The following MGLL variants were observed in gnomAD, a reference collection of about 807,000 sequenced individuals.
MGLL encodes monoglyceride lipase, also known as lysophospholipase homolog.
A neutral mutation model predicts 29.1 loss-of-function variants in MGLL; 7 were observed. The ratio of observed to expected loss-of-function variants is 0.24; its 90% confidence interval spans 0.14 to 0.45. The LOEUF (loss-of-function observed/expected upper bound fraction) is 0.45. Among genes scored for constraint, MGLL ranks in the 20% least tolerant of loss-of-function variants. MGLL has a pLI of 0.99. For synonymous variants in MGLL, 148 were observed against 168.3 expected (o/e 0.88, Z 0.93); for missense variants, 356 against 413.6 (o/e 0.86, Z 1.21).
At chr3:127,725,941 C>T (rs146152365) in intron 3 of MGLL, among the ~76,000 whole-genome samples, 3 of 151,618 alleles carry the variant, frequency 2.0e-5, no homozygotes, top group Middle Eastern at 3.4e-3. Context: ...ACATTGGTGG[C>T]GTGGTGGTGC....
At chr3:127,715,852 C>G in intron 5 of MGLL, 1 of 454,518 alleles carries the variant, frequency 2.2e-6, no homozygotes, top group Non-Finnish European at 4.4e-6. Flanking sequence ...GAGTTGCTCA[C>G]CCAAAAAGGA....
intron 2 of MGLL, among the ~76,000 whole-genome samples, chr3:127,785,456 C>T (rs2077196704): frequency 6.6e-6 from 1 of 152,264 alleles, no homozygotes; most frequent in African/African-American, 2.4e-5. Context: ...TTCAGGGTTT[C>T]ACAAAACATT....
intron 3 of MGLL, among the ~76,000 whole-genome samples, chr3:127,726,184 GA>G (rs749672396): frequency 0.27 from 16,486 of 62,148 alleles, 1,445 homozygotes; most frequent in Middle Eastern, 0.3. Flanking sequence ...AAGAAAGAAA[GA>G]AAAGAAAAGA....
chr3:127,756,728 T>C (rs2076671710), intron 3 of MGLL, among the ~76,000 whole-genome samples: 1 of 152,262 alleles, frequency 6.6e-6, no homozygotes, highest in South Asian at 2.1e-4. Context: ...TCTTGTGTAA[T>C]TGACTGTTAC....
intron 3 of MGLL, among the ~76,000 whole-genome samples, chr3:127,743,081 C>T (rs140998804): frequency 0.021 from 3,163 of 152,332 alleles, 49 homozygotes; most frequent in Non-Finnish European, 0.034. Context: ...TCCCAAAGTG[C>T]TGGGGTTACA....
At chr3:127,751,714 T>C (rs1463784891) in intron 3 of MGLL, among the ~76,000 whole-genome samples, 1 of 151,934 alleles carries the variant, frequency 6.6e-6, no homozygotes, top group Non-Finnish European at 1.5e-5. Context: ...ATTGATTAAC[T>C]GGTTACTGTC....
At chr3:127,716,504 T>A (rs778376090) in intron 5 of MGLL, among the ~76,000 whole-genome samples, 1 of 152,232 alleles carries the variant, frequency 6.6e-6, no homozygotes, top group Non-Finnish European at 1.5e-5. Context: ...AATGACACAG[T>A]CATCCACAAA....
At chr3:127,736,343 C>T (rs536690299) in intron 3 of MGLL, 4 of 985,990 alleles carry the variant, frequency 4.1e-6, no homozygotes, top group Non-Finnish European at 4.8e-6. Flanking sequence ...CTAAAAACAG[C>T]TGAAGTCAGG....
chr3:127,726,607 T>A (rs1251578839), intron 3 of MGLL, among the ~76,000 whole-genome samples: 1 of 151,974 alleles, frequency 6.6e-6, no homozygotes, highest in East Asian at 1.9e-4. Flanking sequence ...TTTTTTCTAT[T>A]TTTCAGTAGA....
intron 3 of MGLL, among the ~76,000 whole-genome samples, chr3:127,745,966 C>T (rs968787881): frequency 3.3e-5 from 5 of 152,136 alleles, no homozygotes; most frequent in Admixed American, 2.6e-4. Flanking sequence ...ACCATGTTAA[C>T]AAAAGTTATT....
At chr3:127,739,866 T>C (rs507961) in intron 3 of MGLL, among the ~76,000 whole-genome samples, 123,642 of 152,218 alleles carry the variant, frequency 0.81, 50,670 homozygotes, top group African/African-American at 0.92. Flanking sequence ...CAGCCCCCAG[T>C]GCACCTTTGC....
intron 1 of MGLL, chr3:127,822,107 T>C: frequency 1.5e-6 from 1 of 689,090 alleles, no homozygotes; most frequent in Non-Finnish European, 2.4e-6. Flanking sequence ...TTTTAAATCA[T>C]TTCAGGAAAC....
chr3:127,723,905 A>G (rs1347656883), intron 3 of MGLL, among the ~76,000 whole-genome samples: 3 of 152,220 alleles, frequency 2.0e-5, no homozygotes, highest in African/African-American at 7.2e-5. Flanking sequence ...CTTAAAAAAC[A>G]TGACTAAGTT....
chr3:127,816,593 T>A (rs1231423239), intron 2 of MGLL, among the ~76,000 whole-genome samples: 1 of 152,184 alleles, frequency 6.6e-6, no homozygotes, highest in African/African-American at 2.4e-5. Flanking sequence ...GAAGGGGGGA[T>A]GTTCTCTATC....
rs138446208 is a variant in MGLL at position 127,804,881 on chromosome 3, C to G, written c.155+16813G>C. On this transcript the variant is annotated intron_variant, in intron 2 of 7. Transcript: ENST00000265052. Reference sequence around the variant, plus strand: ...CCACCCACACCTGAAGGACAAAGGACAAGGCCACCAGCACAGGCTCTGCTG... The same window carrying G: ...CCACCCACACCTGAAGGACAAAGGAGAAGGCCACCAGCACAGGCTCTGCTG... 5.3e-5 allele frequency among the ~76,000 whole-genome samples: 8 copies of G among 152,298 alleles called. No individual in the cohort carries two copies. The East Asian group carries it at 1.4e-3, about 26-fold the overall frequency.
chr3:127,795,024 G>A (rs2077361375), intron 2 of MGLL, among the ~76,000 whole-genome samples: 1 of 152,188 alleles, frequency 6.6e-6, no homozygotes, highest in Non-Finnish European at 1.5e-5. Flanking sequence ...CCATTACTGG[G>A]TATATACCCA....
intron 3 of MGLL, among the ~76,000 whole-genome samples, chr3:127,723,111 C>T (rs1018421412): frequency 3.3e-5 from 5 of 152,178 alleles, no homozygotes; most frequent in East Asian, 1.9e-4. Flanking sequence ...AGCGTCTCGA[C>T]GAAGCTGCAG....
chr3:127,755,988 G>A (rs1351355658), intron 3 of MGLL, among the ~76,000 whole-genome samples: 1 of 152,182 alleles, frequency 6.6e-6, no homozygotes, highest in Non-Finnish European at 1.5e-5. Flanking sequence ...TGTGGCTATG[G>A]GACTAACTCC....
intron 6 of MGLL, 104 bp from the exon 7 acceptor site, chr3:127,695,294 G>C: frequency 8.4e-7 from 1 of 1,193,278 alleles, no homozygotes; most frequent in Non-Finnish European, 1.2e-6. Context: ...CTGAAGGGTT[G>C]ATTCCATTCA....
Sources: allele counts gnomAD v4.1 joint callset (sites outside exome capture counted in the v4.1 genomes callset), GRCh38; gene constraint gnomAD v4.1.1; transcripts MANE v1.5; gene names NCBI Gene and HGNC (gene_info 2026-07-23, HGNC 2026-07-21).